Variants in GRAMD1B observed in about 807,000 individuals in gnomAD.
GRAMD1B encodes GRAM domain containing 1B, also known as protein Aster-B.
Under a neutral mutation model 99.7 loss-of-function variants are expected in GRAMD1B, and 37 were observed. That is an observed-to-expected ratio of 0.37 (90% CI 0.29 to 0.49). GRAMD1B has a LOEUF of 0.49. Among genes scored for constraint, GRAMD1B ranks in the 20% least tolerant of loss-of-function variants. The pLI, the probability that GRAMD1B is intolerant of heterozygous loss-of-function variation, is 0.98. For missense variants in GRAMD1B, 888 were observed against 1,009.2 expected (o/e 0.88, Z 1.63); for synonymous variants, 427 against 387.6 (o/e 1.10, Z -1.19).
chr11:123,611,856 G>A (rs922862702), intron 14 of GRAMD1B, among the ~76,000 whole-genome samples: 1 of 151,912 alleles, frequency 6.6e-6, no homozygotes, highest in Non-Finnish European at 1.5e-5. Context: ...TAGTCACAGG[G>A]CGGGATGGGG....
At chr11:123,496,247 G>GT (rs907185739) in intron 2 of GRAMD1B, among the ~76,000 whole-genome samples, 27 of 149,120 alleles carry the variant, frequency 1.8e-4, no homozygotes, top group Admixed American at 1.3e-3. Context: ...AGGGTAAAAG[G>GT]TTTTTTTTTT....
intron 9 of GRAMD1B, 140 bp downstream of exon 9, chr11:123,603,681 G>T (rs898405879): frequency 1.4e-5 from 9 of 666,470 alleles, no homozygotes; most frequent in African/African-American, 1.1e-4. Flanking sequence ...GTGGTCACAG[G>T]TGAGGTCAGG....
chr11:123,577,560 G>A lies in GRAMD1B; in HGVS notation c.646G>A (p.Gly216Ser), dbSNP rs763079105. 2.5e-6 allele frequency: 4 copies of A among 1,587,674 alleles called. No homozygotes were observed. Among genetic ancestry groups the A allele is most frequent in the Non-Finnish European group, 3.4e-6 (4 of 1,167,466 alleles). The part of the protein sequence containing the change: ...RSCSSQSGRS[G>S]GKNSKKSQSW... ...CTGCTCCTCCCAGTCCGGCCGGAGC[G>A]GCGGCAAGAATTCCAAGGTGAGCGG... The change falls in exon 3 of 20, where the codon GGC becomes AGC. Residue 216 changes from glycine to serine, a missense_variant. Gly to Ser is a moderately conservative substitution (Grantham distance 56). Coordinates refer to ENST00000635736, the MANE Select transcript of GRAMD1B (RefSeq NM_001387025.1).
chr11:123,481,310 C>T (rs1392675086), intron 2 of GRAMD1B, among the ~76,000 whole-genome samples: 2 of 152,058 alleles, frequency 1.3e-5, no homozygotes, highest in Non-Finnish European at 2.9e-5. Context: ...CAAAAATTAG[C>T]CAGACATGGT....
intron 2 of GRAMD1B, among the ~76,000 whole-genome samples, chr11:123,487,361 C>T (rs1244551161): frequency 2.6e-4 from 40 of 152,114 alleles, no homozygotes; most frequent in Admixed American, 2.6e-3. Flanking sequence ...ACATGGACAG[C>T]ATTTGCAAGC....
chr11:123,578,649 C>T (rs931392345), intron 3 of GRAMD1B, among the ~76,000 whole-genome samples: 1 of 152,172 alleles, frequency 6.6e-6, no homozygotes, highest in Non-Finnish European at 1.5e-5. Context: ...AGACCCTCCC[C>T]CACTCCCGAC....
intron 1 of GRAMD1B, among the ~76,000 whole-genome samples, chr11:123,451,921 A>C (rs1044439425): frequency 3.3e-5 from 5 of 151,988 alleles, no homozygotes; most frequent in Non-Finnish European, 5.9e-5. Flanking sequence ...GCAGCCTCTA[A>C]ATCCTGGGCT....
rs756831413 is a variant in GRAMD1B, at chr11:123,465,692, C to T, written c.375-15124C>T. On this transcript the variant is annotated intron_variant, in intron 1 of 19. Transcript: ENST00000635736. The stretch of plus-strand genomic sequence containing the variant: ...ACTGAGGCAGGAGAATCACTTGAAC[C>T]CGGGAGGCGGAGGTTGCAGTAAGCT... Among the ~76,000 whole-genome samples, 11 of 151,758 alleles carry T rather than the reference C, an allele frequency of 7.2e-5. 1 individual carries two copies. Among genetic ancestry groups the T allele is most frequent in the Admixed American group, 2.6e-4 (4 of 15,222 alleles).
At chr11:123,512,234 G>A (rs964479217) in intron 2 of GRAMD1B, among the ~76,000 whole-genome samples, 4 of 152,184 alleles carry the variant, frequency 2.6e-5, no homozygotes, top group African/African-American at 9.7e-5. Flanking sequence ...CTCTCTGGTG[G>A]GAACGCTGCT....
chr11:123,436,551 G>A (rs1219753567), intron 1 of GRAMD1B, among the ~76,000 whole-genome samples: 1 of 152,192 alleles, frequency 6.6e-6, no homozygotes, highest in African/African-American at 2.4e-5. Context: ...CCTAGGCAAA[G>A]TGAAGTCAAT....
intron 1 of GRAMD1B, among the ~76,000 whole-genome samples, chr11:123,395,102 C>G (rs1268557438): frequency 1.3e-5 from 2 of 152,138 alleles, no homozygotes; most frequent in Non-Finnish European, 2.9e-5. Flanking sequence ...TTATAATCCC[C>G]TAAGTATAGG....
At chr11:123,392,855 C>T (rs1456227671) in intron 1 of GRAMD1B, among the ~76,000 whole-genome samples, 1 of 152,166 alleles carries the variant, frequency 6.6e-6, no homozygotes, top group South Asian at 2.1e-4. Flanking sequence ...TGTTACATTT[C>T]ATCTTGTTAT....
At chr11:123,585,044 G>A (rs547576251) in intron 4 of GRAMD1B, among the ~76,000 whole-genome samples, 6 of 152,216 alleles carry the variant, frequency 3.9e-5, no homozygotes, top group African/African-American at 7.2e-5. Flanking sequence ...GGCCCCCGCC[G>A]TGTGTTCTGC....
At chr11:123,608,562 A>C in intron 11 of GRAMD1B, 97 bp from the exon 12 acceptor site, 8 of 1,548,628 alleles carry the variant, frequency 5.2e-6, no homozygotes, top group Middle Eastern at 1.7e-4. Flanking sequence ...GACTGTGCTC[A>C]TATTAGCCAG....
Position 123,461,851 on chromosome 11 carries a change from C to T in GRAMD1B, c.375-18965C>T, listed in dbSNP as rs1368493941. Among the ~76,000 whole-genome samples the T allele has an allele frequency of 2.6e-5, 4 of 152,176 alleles. 1 individual carries two copies. Among genetic ancestry groups the T allele is most frequent in the Admixed American group, 2.0e-4 (3 of 15,286 alleles). On this transcript the variant is annotated intron_variant, in intron 1 of 19. Coordinates refer to ENST00000635736, the MANE Select transcript of GRAMD1B (RefSeq NM_001387025.1). ...AAACTCCTGACCTCATGCGATACCC[C>T]CGCCTCAGCCTCCCAAAGTGCTGGG...
intron 11 of GRAMD1B, chr11:123,608,374 A>G (rs1592255065): frequency 1.2e-6 from 1 of 800,714 alleles, no homozygotes; most frequent in East Asian, 2.7e-5. Flanking sequence ...TGAATTAGGG[A>G]GGTTTGAAAG....
At chr11:123,573,596 T>A (rs1232450703) in intron 2 of GRAMD1B, among the ~76,000 whole-genome samples, 1 of 152,208 alleles carries the variant, frequency 6.6e-6, no homozygotes, top group Non-Finnish European at 1.5e-5. Flanking sequence ...CATCCATCTG[T>A]GTGACTTTGG....
intron 17 of GRAMD1B, among the ~76,000 whole-genome samples, chr11:123,615,358 A>G (rs779123224): frequency 3.9e-5 from 6 of 152,374 alleles, no homozygotes; most frequent in Admixed American, 3.3e-4. Flanking sequence ...TTGCTATGAC[A>G]TTATAAAACA....
intron 2 of GRAMD1B, among the ~76,000 whole-genome samples, chr11:123,558,268 G>A (rs1946365673): frequency 6.6e-6 from 1 of 152,026 alleles, no homozygotes; most frequent in Admixed American, 6.6e-5. Context: ...ACAGGCATGA[G>A]CCACCATGCC....
Sources: allele counts gnomAD v4.1 joint callset (sites outside exome capture counted in the v4.1 genomes callset), GRCh38; gene constraint gnomAD v4.1.1; transcripts MANE v1.5; gene names NCBI Gene and HGNC (gene_info 2026-07-23, HGNC 2026-07-21).